The following RAPGEF6 variants were observed in gnomAD, a reference collection of about 807,000 sequenced individuals.
RAPGEF6 encodes the protein PDZ domain containing guanine nucleotide exchange factor (GEF) 2.
In RAPGEF6, 56 loss-of-function variants were observed where a neutral mutation model predicts 171.4. The ratio of observed to expected loss-of-function variants is 0.33; its 90% confidence interval spans 0.26 to 0.41. RAPGEF6 has a LOEUF of 0.41. Among genes scored for constraint, RAPGEF6 ranks in the 10% least tolerant of loss-of-function variants. The pLI is 1.00. For synonymous variants in RAPGEF6, 692 were observed against 650.1 expected (o/e 1.06, Z -0.98); for missense variants, 1,674 against 1,921.4 (o/e 0.87, Z 2.41).
intron 5 of RAPGEF6, among the ~76,000 whole-genome samples, chr5:131,548,940 T>TAA (rs1760729093): frequency 6.6e-6 from 1 of 152,174 alleles, no homozygotes; most frequent in Non-Finnish European, 1.5e-5. Context: ...GGTGTGCACC[T>TAA]GTAGTACCAG....
chr5:131,575,344 CCT>C (rs1053245469), intron 4 of RAPGEF6, among the ~76,000 whole-genome samples: 1 of 152,152 alleles, frequency 6.6e-6, no homozygotes, highest in Admixed American at 6.5e-5. Flanking sequence ...CTCTGCAGCC[CCT>C]CTTACGAATC....
At chr5:131,601,682 G>C (rs750843239) in intron 3 of RAPGEF6, among the ~76,000 whole-genome samples, 15 of 152,048 alleles carry the variant, frequency 9.9e-5, no homozygotes, top group Non-Finnish European at 1.9e-4. Flanking sequence ...AAACATTAAG[G>C]GTTGTCAAAC....
intron 3 of RAPGEF6, among the ~76,000 whole-genome samples, chr5:131,594,925 T>C (rs1231253133): frequency 6.6e-6 from 1 of 152,174 alleles, no homozygotes; most frequent in East Asian, 1.9e-4. Flanking sequence ...TGTTTTTGAT[T>C]TTACAGGCTC....
chr5:131,514,810 GT>G (rs1266001823), intron 7 of RAPGEF6, among the ~76,000 whole-genome samples: 8 of 152,110 alleles, frequency 5.3e-5, no homozygotes, highest in Non-Finnish European at 5.9e-5. Flanking sequence ...CTCCGTATTC[GT>G]GAAGGTAGGG....
intron 9 of RAPGEF6, among the ~76,000 whole-genome samples, chr5:131,506,953 T>C (rs1379385333): frequency 6.6e-6 from 1 of 151,654 alleles, no homozygotes; most frequent in Non-Finnish European, 1.5e-5. Context: ...GGGGAGTCCA[T>C]CCTCTATGAC....
At chr5:131,491,496 AC>A (rs1756279435) in intron 14 of RAPGEF6, among the ~76,000 whole-genome samples, 1 of 152,182 alleles carries the variant, frequency 6.6e-6, no homozygotes, top group Admixed American at 6.5e-5. Context: ...TTGGGAAACC[AC>A]CCTTTGAAGT....
At chr5:131,583,381 A>C (rs1763076764) in intron 4 of RAPGEF6, among the ~76,000 whole-genome samples, 1 of 152,242 alleles carries the variant, frequency 6.6e-6, no homozygotes, top group Admixed American at 6.5e-5. Context: ...ATGCCAAATT[A>C]TAAATAAGAC....
chr5:131,500,938 C>T (rs1459523184), intron 11 of RAPGEF6, among the ~76,000 whole-genome samples: 1 of 152,062 alleles, frequency 6.6e-6, no homozygotes, highest in Non-Finnish European at 1.5e-5. Context: ...GTAGTAACTG[C>T]TTTCTGTGTG....
intron 15 of RAPGEF6, among the ~76,000 whole-genome samples, chr5:131,485,756 T>C (rs1350381530): frequency 6.6e-6 from 1 of 152,200 alleles, no homozygotes; most frequent in Non-Finnish European, 1.5e-5. Context: ...CAGTGAGAGA[T>C]GAAGGGTGGT....
chr5:131,609,742 G>C (rs542666118), intron 1 of RAPGEF6, among the ~76,000 whole-genome samples: 1 of 152,262 alleles, frequency 6.6e-6, no homozygotes, highest in African/African-American at 2.4e-5. Context: ...GACTATATAT[G>C]GTGTCTCTCA....
chr5:131,467,412 A>T (rs1166766156), intron 17 of RAPGEF6, among the ~76,000 whole-genome samples: 1 of 152,236 alleles, frequency 6.6e-6, no homozygotes, highest in Non-Finnish European at 1.5e-5. Flanking sequence ...AACTTGGAAA[A>T]GCAATGGAGA....
At chr5:131,574,579 T>C (rs1441750454) in intron 4 of RAPGEF6, among the ~76,000 whole-genome samples, 2 of 152,130 alleles carry the variant, frequency 1.3e-5, no homozygotes, top group African/African-American at 4.8e-5. Flanking sequence ...AACATTCTTT[T>C]ATGCACTCTT....
At chr5:131,579,925 TAA>T (rs923782811) in intron 4 of RAPGEF6, among the ~76,000 whole-genome samples, 1 of 152,086 alleles carries the variant, frequency 6.6e-6, no homozygotes, top group Non-Finnish European at 1.5e-5. Context: ...TAGCTAGACA[TAA>T]AAGTTCTCCA....
intron 23 of RAPGEF6, among the ~76,000 whole-genome samples, chr5:131,440,610 C>A (rs1580826411): frequency 6.6e-6 from 1 of 151,666 alleles, no homozygotes. Context: ...TGGTGGCATG[C>A]ACCTGTAATC....
At chr5:131,504,835 T>C in intron 10 of RAPGEF6, 57 bp from the exon 11 acceptor site, 2 of 1,474,488 alleles carry the variant, frequency 1.4e-6, no homozygotes, top group Admixed American at 4.3e-5. Flanking sequence ...AATATATCAC[T>C]ATGTACCAAT....
rs532560025 is a variant in RAPGEF6 at position 131,489,230 on chromosome 5, A to C, written c.1840+316T>G. 1.0e-3 allele frequency among the ~76,000 whole-genome samples: 153 copies of C among 152,326 alleles called. 1 individual carries two copies. The highest frequency in any genetic ancestry group is 3.5e-3 in the African/African-American group (146 of 41,586). ...AAAAAATGCCTGATTATGACTTCTTAGTTTTATTCCGGACATTCTATATTT... is the reference window on the plus strand; with the variant it reads ...AAAAAATGCCTGATTATGACTTCTTCGTTTTATTCCGGACATTCTATATTT... On this transcript the variant is annotated intron_variant, in intron 15 of 27. Coordinates refer to ENST00000509018, the MANE Select transcript of RAPGEF6 (RefSeq NM_016340.6).
intron 15 of RAPGEF6, among the ~76,000 whole-genome samples, chr5:131,480,882 G>A (rs770553462): frequency 2.6e-5 from 4 of 151,454 alleles, no homozygotes; most frequent in African/African-American, 4.9e-5. Flanking sequence ...CCACTTCAGT[G>A]GTCTGAAGTA....
chr5:131,436,786 C>T (rs1752037400), intron 24 of RAPGEF6, among the ~76,000 whole-genome samples: 1 of 152,100 alleles, frequency 6.6e-6, no homozygotes, highest in African/African-American at 2.4e-5. Flanking sequence ...TTAGTAAAAA[C>T]CAAATAAGAC....
intron 6 of RAPGEF6, among the ~76,000 whole-genome samples, chr5:131,526,042 C>A (rs1294478016): frequency 1.3e-5 from 2 of 152,160 alleles, no homozygotes; most frequent in Non-Finnish European, 2.9e-5. Flanking sequence ...AGGTCTGACT[C>A]TAGCATTTTT....
Sources: gnomAD v4.1 joint callset for allele counts (sites outside exome capture counted in the v4.1 genomes callset) on GRCh38, gnomAD v4.1.1 for gene constraint, MANE v1.5 for transcripts, NCBI Gene and HGNC (gene_info 2026-07-23, HGNC 2026-07-21) for gene names.